STXBP5L: variants seen among roughly 807,000 people sequenced by gnomAD.
The protein encoded by STXBP5L is syntaxin-binding protein 5-like.
In STXBP5L, 65 loss-of-function variants were observed where a neutral mutation model predicts 144.5. That is an observed-to-expected ratio of 0.45 (90% CI 0.37 to 0.55). STXBP5L has a LOEUF of 0.55. STXBP5L is among the 20% of genes least tolerant of loss of function. STXBP5L has a pLI of 0.00. For missense variants in STXBP5L, 1,298 were observed against 1,405.5 expected (o/e 0.92, Z 1.22); for synonymous variants, 505 against 469.6 (o/e 1.08, Z -0.97).
chr3:121,395,163 A>G (rs2046697558), intron 22 of STXBP5L, among the ~76,000 whole-genome samples: 1 of 152,234 alleles, frequency 6.6e-6, no homozygotes, highest in South Asian at 2.1e-4. Flanking sequence ...ACTGGCAAAC[A>G]TTGAAAGACT....
At chr3:121,323,824 C>T (rs2044056599) in intron 20 of STXBP5L, among the ~76,000 whole-genome samples, 1 of 152,028 alleles carries the variant, frequency 6.6e-6, no homozygotes. Context: ...AACAATCAGC[C>T]CTAGCTTCAC....
At chr3:121,179,606 T>A (rs775368926) in intron 9 of STXBP5L, among the ~76,000 whole-genome samples, 3 of 152,064 alleles carry the variant, frequency 2.0e-5, no homozygotes, top group Non-Finnish European at 4.4e-5. Flanking sequence ...AACTGCCAGA[T>A]AAAGAATTCA....
chr3:121,274,108 T>C (rs1211765712), intron 18 of STXBP5L, among the ~76,000 whole-genome samples: 3 of 152,196 alleles, frequency 2.0e-5, no homozygotes, highest in Non-Finnish European at 4.4e-5. Context: ...GCTATTGTGT[T>C]CCTTTGCCAG....
At chr3:121,094,762 G>T (rs61795515) in intron 5 of STXBP5L, among the ~76,000 whole-genome samples, 1 of 152,048 alleles carries the variant, frequency 6.6e-6, no homozygotes, top group Non-Finnish European at 1.5e-5. Flanking sequence ...GGAGCATGTA[G>T]TCCATTTACA....
intron 2 of STXBP5L, among the ~76,000 whole-genome samples, chr3:120,953,686 C>T (rs1475823795): frequency 2.0e-5 from 3 of 151,948 alleles, no homozygotes; most frequent in African/African-American, 7.3e-5. Context: ...TTGCAGAGCT[C>T]CTTTATTAGT....
intron 20 of STXBP5L, among the ~76,000 whole-genome samples, chr3:121,354,826 G>C (rs554926914): frequency 6.6e-6 from 1 of 152,212 alleles, no homozygotes; most frequent in South Asian, 2.1e-4. Flanking sequence ...GCAGTGGCTG[G>C]TACCAATTGT....
chr3:121,422,299 A>G lies in STXBP5L; in HGVS notation c.*3202A>G, dbSNP rs2047367771. The G allele has an allele frequency of 6.6e-6, 1 of 152,186 alleles. No homozygotes were observed. The highest frequency in any genetic ancestry group is 1.5e-5 in the Non-Finnish European group (1 of 68,018). The allele number at this position is 152,186 out of a possible 1,614,324, so 9.4% of individuals were successfully genotyped here. A position where few individuals can be genotyped will look rare whatever the true frequency, so the allele number is the denominator to read the frequency against. On this transcript the variant is annotated 3_prime_UTR_variant, in exon 27 of 27. Coordinates refer to ENST00000471454, the MANE Select transcript of STXBP5L (RefSeq NM_001308330.2). The stretch of plus-strand genomic sequence containing the variant: ...TGACTCTGAGCCTTAGTTACCATCA[A>G]AATTACATTCTATCTGCTAAAGCGA...
Position 121,314,455 on chromosome 3 carries a change from C to T in STXBP5L, c.2111-4020C>T, listed in dbSNP as rs1270637834. On this transcript the variant is annotated intron_variant, in intron 19 of 26. Transcript: ENST00000471454. ...AAAAAAAAAACGAAAACCAGTCAGGCGTGGCGGCGCGCGCCTGCAATCGCA... is the reference window on the plus strand; with the variant it reads ...AAAAAAAAAACGAAAACCAGTCAGGTGTGGCGGCGCGCGCCTGCAATCGCA... Among the ~76,000 whole-genome samples the T allele has an allele frequency of 4.2e-5, 6 of 142,502 alleles. No individual in the cohort carries two copies. The East Asian group carries it at 6.3e-4, about 15-fold the overall frequency. The allele number at this position is 142,502 out of a possible 152,430, so 93.5% of individuals were successfully genotyped here.
intron 11 of STXBP5L, among the ~76,000 whole-genome samples, chr3:121,227,720 T>C (rs992473359): frequency 2.0e-5 from 3 of 152,174 alleles, no homozygotes; most frequent in Admixed American, 2.0e-4. Flanking sequence ...GAATTTCCAA[T>C]TGACAAGGCA....
At chr3:121,324,377 A>G in intron 20 of STXBP5L, 1 of 548,410 alleles carries the variant, frequency 1.8e-6, no homozygotes, top group Non-Finnish European at 3.2e-6. Context: ...TAAGGATACA[A>G]AATGCAGATC....
At chr3:121,029,165 A>G (rs1220266778) in intron 3 of STXBP5L, among the ~76,000 whole-genome samples, 2 of 152,206 alleles carry the variant, frequency 1.3e-5, no homozygotes, top group Admixed American at 6.5e-5. Context: ...TCTTCACAGA[A>G]TTAGAAAATA....
At chr3:121,212,258 CTT>C (rs1397279330) in intron 10 of STXBP5L, among the ~76,000 whole-genome samples, 1 of 152,046 alleles carries the variant, frequency 6.6e-6, no homozygotes, top group Non-Finnish European at 1.5e-5. Flanking sequence ...GTTGCCATTG[CTT>C]TTAGTATTTT....
At chr3:121,325,158 A>G (rs2044103625) in intron 20 of STXBP5L, among the ~76,000 whole-genome samples, 1 of 151,966 alleles carries the variant, frequency 6.6e-6, no homozygotes, top group Admixed American at 6.6e-5. Flanking sequence ...AAACACTCAA[A>G]CACAGGTTGC....
rs139770604 is a variant in STXBP5L at position 121,295,198 on chromosome 3, A to G, written c.2110+15242A>G. Among the ~76,000 whole-genome samples, 443 of 152,264 alleles carry G rather than the reference A, an allele frequency of 2.9e-3. 1 individual carries two copies. The highest frequency in any genetic ancestry group is 0.01 in the African/African-American group (425 of 41,558). On this transcript the variant is annotated intron_variant, in intron 19 of 26. Transcript: ENST00000471454. Reference sequence around the variant, plus strand: ...TTGAGGATAAGGGAGAGAGGGGATAACTAAAGGAAAAAAATTCTTAAGGAA... The same window carrying G: ...TTGAGGATAAGGGAGAGAGGGGATAGCTAAAGGAAAAAAATTCTTAAGGAA...
chr3:121,106,435 GTGT>G (rs1467977552), intron 5 of STXBP5L, among the ~76,000 whole-genome samples: 1 of 151,806 alleles, frequency 6.6e-6, no homozygotes, highest in African/African-American at 2.4e-5. Flanking sequence ...GCCCCAGTGT[GTGT>G]TGTTCCCCAT....
At chr3:121,078,739 T>C (rs6438605) in intron 5 of STXBP5L, among the ~76,000 whole-genome samples, 15,109 of 152,238 alleles carry the variant, frequency 0.099, 1,171 homozygotes, top group Admixed American at 0.2. Context: ...TCAAGTGCAA[T>C]GCCAGTGGGC....
chr3:121,326,228 AT>A (rs772165695), intron 20 of STXBP5L, among the ~76,000 whole-genome samples: 7 of 152,012 alleles, frequency 4.6e-5, no homozygotes, highest in Non-Finnish European at 1.0e-4. Context: ...CTAATAAAAA[AT>A]ACCTCTTTAC....
chr3:121,287,980 T>C (rs142400311), intron 19 of STXBP5L, among the ~76,000 whole-genome samples: 18 of 152,368 alleles, frequency 1.2e-4, no homozygotes, highest in Non-Finnish European at 2.2e-4. Flanking sequence ...GTTGTTTCAA[T>C]GCTAGATCCC....
chr3:121,304,401 C>A (rs1271205399), intron 19 of STXBP5L, among the ~76,000 whole-genome samples: 1 of 152,114 alleles, frequency 6.6e-6, no homozygotes, highest in Non-Finnish European at 1.5e-5. Context: ...TACACACCTA[C>A]ACAATGCAAT....
Sources: gnomAD v4.1 joint callset for allele counts (sites outside exome capture counted in the v4.1 genomes callset) on GRCh38, gnomAD v4.1.1 for gene constraint, MANE v1.5 for transcripts, NCBI Gene and HGNC (gene_info 2026-07-23, HGNC 2026-07-21) for gene names.